The following PREP variants were observed in gnomAD, a reference collection of about 807,000 sequenced individuals.
The protein encoded by PREP is dJ355L5.1 (prolyl endopeptidase).
In PREP, 29 loss-of-function variants were observed where a neutral mutation model predicts 87.6. The ratio of observed to expected loss-of-function variants is 0.33; its 90% CI spans 0.25 to 0.45. The LOEUF (loss-of-function observed/expected upper bound fraction) is 0.45, where lower values mean the gene tolerates loss of function less well. Ranked by LOEUF, PREP falls within the 20% of genes least tolerant of loss-of-function variation. PREP has a pLI of 1.00. For synonymous variants in PREP, 337 were observed against 328.6 expected (o/e 1.03, Z -0.28); for missense variants, 695 against 886.5 (o/e 0.78, Z 2.74).
intron 10 of PREP, among the ~76,000 whole-genome samples, chr6:105,307,342 C>T (rs1181000296): frequency 6.6e-6 from 1 of 152,032 alleles, no homozygotes; most frequent in Non-Finnish European, 1.5e-5. Context: ...AGCTCCTTTC[C>T]AGGAGGCCTT....
chr6:105,324,183 A>G (rs1467312687), intron 9 of PREP, among the ~76,000 whole-genome samples: 4 of 152,188 alleles, frequency 2.6e-5, no homozygotes, highest in Non-Finnish European at 4.4e-5. Context: ...CTGGGAGGTG[A>G]CTGACAAAAA....
At chr6:105,367,938 T>C (rs1772433476) in intron 6 of PREP, among the ~76,000 whole-genome samples, 1 of 143,044 alleles carries the variant, frequency 7.0e-6, no homozygotes, top group Non-Finnish European at 1.5e-5. Flanking sequence ...TCCAGCCCAG[T>C]GGCAGCAGTT....
At chr6:105,370,576 T>C (rs1023566094) in intron 5 of PREP, among the ~76,000 whole-genome samples, 3 of 152,100 alleles carry the variant, frequency 2.0e-5, no homozygotes, top group African/African-American at 7.2e-5. Flanking sequence ...TGCATACAGA[T>C]TTTTTACAGA....
At chr6:105,398,653 A>G (rs1169880017) in intron 1 of PREP, among the ~76,000 whole-genome samples, 5 of 152,196 alleles carry the variant, frequency 3.3e-5, no homozygotes, top group Non-Finnish European at 7.3e-5. Flanking sequence ...TGGCTGAAGG[A>G]AGCTTTCTGG....
At chr6:105,313,517 A>G (rs1344212906) in intron 10 of PREP, among the ~76,000 whole-genome samples, 1 of 152,220 alleles carries the variant, frequency 6.6e-6, no homozygotes, top group Admixed American at 6.5e-5. Context: ...AGCCTTCTCT[A>G]GGCAGAGCAA....
intron 5 of PREP, 96 bp from the exon 6 acceptor site, chr6:105,369,120 A>T: frequency 7.8e-7 from 1 of 1,275,694 alleles, no homozygotes; most frequent in Non-Finnish European, 1.1e-6. Context: ...TTTAACAAGT[A>T]GCTGGCTGCA....
chr6:105,326,796 G>A (rs1437682167), intron 9 of PREP, among the ~76,000 whole-genome samples: 1 of 152,180 alleles, frequency 6.6e-6, no homozygotes, highest in Non-Finnish European at 1.5e-5. Context: ...AGAGAAAAGA[G>A]AAAAATGGAG....
At chr6:105,342,567 C>T (rs148088221) in intron 7 of PREP, among the ~76,000 whole-genome samples, 8,640 of 152,180 alleles carry the variant, frequency 0.057, 285 homozygotes, top group Middle Eastern at 0.095. Flanking sequence ...AAAAGGTATT[C>T]AATTAGGAAA....
intron 6 of PREP, among the ~76,000 whole-genome samples, chr6:105,355,479 T>G (rs748067816): frequency 2.6e-5 from 4 of 152,236 alleles, no homozygotes; most frequent in Non-Finnish European, 5.9e-5. Context: ...ATTTCTTATC[T>G]TTGTTTCCCT....
At chr6:105,371,694 T>A (rs140605330) in intron 5 of PREP, among the ~76,000 whole-genome samples, 1 of 151,996 alleles carries the variant, frequency 6.6e-6, no homozygotes, top group African/African-American at 2.4e-5. Flanking sequence ...AAAAGCTTCA[T>A]GGCACTTAAG....
chr6:105,276,493 T>C lies in PREP; in HGVS notation c.*1651A>G, dbSNP rs1149303. 0.03 allele frequency among the ~76,000 whole-genome samples: 4,528 copies of C among 152,316 alleles called. 122 individuals are homozygous for C. Among genetic ancestry groups the C allele is most frequent in the African/African-American group, 0.076 (3,167 of 41,562 alleles). On this transcript the variant is annotated 3_prime_UTR_variant, in exon 15 of 15. Coordinates refer to ENST00000652536, the MANE Select transcript of PREP (RefSeq NM_002726.5). ...GCTAGTCTAGGAAAGAGGCTGCCTCTGGCTTGACCATGCAAATGTATTTTC... is the reference window on the plus strand; with the variant it reads ...GCTAGTCTAGGAAAGAGGCTGCCTCCGGCTTGACCATGCAAATGTATTTTC...
intron 7 of PREP, among the ~76,000 whole-genome samples, chr6:105,340,195 C>T (rs982221419): frequency 3.9e-5 from 6 of 152,130 alleles, no homozygotes; most frequent in African/African-American, 7.2e-5. Flanking sequence ...GCAGATCTCT[C>T]GGCAGAAACT....
At chr6:105,348,833 C>T (rs187071177) in intron 7 of PREP, among the ~76,000 whole-genome samples, 10 of 151,000 alleles carry the variant, frequency 6.6e-5, no homozygotes, top group African/African-American at 2.2e-4. Context: ...GAACTGAGAT[C>T]ACGCCACTGC....
At chr6:105,298,979 G>A (rs757429758) in intron 10 of PREP, 5 of 152,218 alleles carry the variant, frequency 3.3e-5, no homozygotes, top group Non-Finnish European at 5.9e-5. Context: ...GAGACGCACA[G>A]CAGCATAACA....
chr6:105,390,359 C>CT (rs1477504896), intron 2 of PREP, among the ~76,000 whole-genome samples: 1 of 152,186 alleles, frequency 6.6e-6, no homozygotes, highest in Non-Finnish European at 1.5e-5. Flanking sequence ...AATAAAAATA[C>CT]TTTTTTCCAA....
chr6:105,315,358 G>A (rs1183655389), intron 10 of PREP, among the ~76,000 whole-genome samples: 1 of 152,060 alleles, frequency 6.6e-6, no homozygotes, highest in African/African-American at 2.4e-5. Context: ...GATAAATTTT[G>A]TATGGGATTG....
At chr6:105,345,236 A>G (rs193238149) in intron 7 of PREP, among the ~76,000 whole-genome samples, 97 of 152,378 alleles carry the variant, frequency 6.4e-4, no homozygotes, top group Admixed American at 4.1e-3. Flanking sequence ...TTTTAAAAAG[A>G]AACATGATTT....
chr6:105,308,151 GA>G (rs929484298), intron 10 of PREP, among the ~76,000 whole-genome samples: 23 of 151,902 alleles, frequency 1.5e-4, no homozygotes, highest in African/African-American at 5.3e-4. Context: ...GAAGGAAAAG[GA>G]AATTGAATGC....
chr6:105,335,700 G>A (rs1177156932), intron 7 of PREP, among the ~76,000 whole-genome samples: 2 of 152,052 alleles, frequency 1.3e-5, no homozygotes, highest in African/African-American at 4.8e-5. Context: ...GACCATCCTG[G>A]CTAACACAGT....
Sources: gnomAD v4.1 joint callset for allele counts (sites outside exome capture counted in the v4.1 genomes callset) on GRCh38, gnomAD v4.1.1 for gene constraint, MANE v1.5 for transcripts, NCBI Gene and HGNC (gene_info 2026-07-23, HGNC 2026-07-21) for gene names.